The following CCDC178 variants were observed in gnomAD, a reference collection of about 807,000 sequenced individuals.
The protein encoded by CCDC178 is coiled-coil domain containing 178, also known as coiled-coil domain-containing protein 178.
In CCDC178, 126 loss-of-function variants were observed where a neutral mutation model predicts 117.4. The observed-to-expected ratio is 1.07, with a 90% CI of 0.93 to 1.24. The LOEUF (loss-of-function observed/expected upper bound fraction) is 1.24. CCDC178 is among the 50% of genes most tolerant of loss of function. The pLI is 0.00. For synonymous variants in CCDC178, 283 were observed against 313.4 expected (o/e 0.90, Z 1.02); for missense variants, 1,030 against 986.9 (o/e 1.04, Z -0.59).
chr18:33,083,950 TCAAG>T (rs999097879), intron 21 of CCDC178, among the ~76,000 whole-genome samples: 1 of 152,256 alleles, frequency 6.6e-6, no homozygotes, highest in African/African-American at 2.4e-5. Flanking sequence ...TTGGCATGGT[TCAAG>T]GTAGGATTTA....
At chr18:33,171,109 A>G (rs2058594082) in intron 20 of CCDC178, among the ~76,000 whole-genome samples, 1 of 152,162 alleles carries the variant, frequency 6.6e-6, no homozygotes, top group Non-Finnish European at 1.5e-5. Context: ...GTGAACAAAC[A>G]CAACTGAAAA....
chr18:33,369,485 T>G (rs2063267034), intron 6 of CCDC178, among the ~76,000 whole-genome samples: 1 of 151,988 alleles, frequency 6.6e-6, no homozygotes, highest in Non-Finnish European at 1.5e-5. Context: ...AGAAATATAA[T>G]CTTAATAAAA....
At chr18:33,215,903 C>A (rs113631095) in intron 18 of CCDC178, among the ~76,000 whole-genome samples, 1 of 151,948 alleles carries the variant, frequency 6.6e-6, no homozygotes, top group Admixed American at 6.6e-5. Context: ...CAAGACCAAC[C>A]TGGACAACAA....
chr18:33,326,671 G>T (rs1482874518), intron 10 of CCDC178, among the ~76,000 whole-genome samples: 3 of 151,074 alleles, frequency 2.0e-5, no homozygotes, highest in South Asian at 2.1e-4. Flanking sequence ...TTGTTTTTGG[G>T]TTTTTTTTCT....
intron 5 of CCDC178, among the ~76,000 whole-genome samples, chr18:33,387,732 A>C (rs1055272641): frequency 1.3e-5 from 2 of 152,226 alleles, no homozygotes; most frequent in South Asian, 4.1e-4. Flanking sequence ...AAAGACTTAA[A>C]TGTAAAACCC....
intron 12 of CCDC178, 81 bp downstream of exon 12, chr18:33,293,078 T>C (rs2062056440): frequency 3.0e-6 from 3 of 987,180 alleles, no homozygotes; most frequent in South Asian, 4.0e-5. Context: ...CCAATTGCTA[T>C]TTAATTATTG....
intron 20 of CCDC178, among the ~76,000 whole-genome samples, chr18:33,197,932 T>C (rs968393134): frequency 2.0e-5 from 3 of 152,252 alleles, no homozygotes; most frequent in African/African-American, 7.2e-5. Flanking sequence ...TACAATAGTT[T>C]ATATATTCCA....
chr18:32,983,433 A>G, intron 21 of CCDC178: 1 of 783,042 alleles, frequency 1.3e-6, no homozygotes, highest in Non-Finnish European at 2.1e-6. Flanking sequence ...ACAGTCAAAC[A>G]AATAGTACAA....
intron 21 of CCDC178, among the ~76,000 whole-genome samples, chr18:33,038,334 AGATAT>A (rs1177453387): frequency 6.6e-6 from 1 of 152,006 alleles, no homozygotes; most frequent in East Asian, 1.9e-4. Flanking sequence ...ACTACAAAGC[AGATAT>A]TATGTCATAA....
At chr18:33,423,398 G>A (rs932259964) in intron 2 of CCDC178, among the ~76,000 whole-genome samples, 10 of 151,936 alleles carry the variant, frequency 6.6e-5, no homozygotes, top group African/African-American at 2.4e-4. Context: ...TTCCTATTTA[G>A]GGCACGTTTT....
chr18:33,184,426 G>A (rs2058766330), intron 20 of CCDC178, among the ~76,000 whole-genome samples: 1 of 151,902 alleles, frequency 6.6e-6, no homozygotes, highest in South Asian at 2.1e-4. Context: ...TGAGGAATAA[G>A]CAATGCAATC....
chr18:33,254,999 T>C (rs1426156056), intron 14 of CCDC178, among the ~76,000 whole-genome samples: 1 of 152,052 alleles, frequency 6.6e-6, no homozygotes, highest in Non-Finnish European at 1.5e-5. Context: ...GGCTTTGTGC[T>C]GTTCTCGCTA....
intron 12 of CCDC178, among the ~76,000 whole-genome samples, chr18:33,269,409 T>C (rs1197120630): frequency 6.6e-6 from 1 of 151,784 alleles, no homozygotes; most frequent in Non-Finnish European, 1.5e-5. Flanking sequence ...TATTCACATG[T>C]TCTGGAAATA....
intron 9 of CCDC178, among the ~76,000 whole-genome samples, chr18:33,345,801 T>C (rs1331818889): frequency 2.6e-5 from 4 of 152,152 alleles, no homozygotes; most frequent in Non-Finnish European, 4.4e-5. Flanking sequence ...CAATAACATC[T>C]TTCAAAAGTG....
chr18:33,228,065 A>G (rs960725673), intron 15 of CCDC178, among the ~76,000 whole-genome samples: 2 of 152,206 alleles, frequency 1.3e-5, no homozygotes, highest in Non-Finnish European at 2.9e-5. Flanking sequence ...CCTTTGTCTG[A>G]AACTAATTGA....
chr18:33,009,110 T>C (rs2055810033), intron 21 of CCDC178, among the ~76,000 whole-genome samples: 1 of 152,116 alleles, frequency 6.6e-6, no homozygotes, highest in Non-Finnish European at 1.5e-5. Flanking sequence ...CTATTGGTGC[T>C]ATCTTTAAAA....
chr18:33,299,502 AACACACACAC>A (rs71159812), intron 11 of CCDC178, among the ~76,000 whole-genome samples: 21 of 146,178 alleles, frequency 1.4e-4, no homozygotes, highest in African/African-American at 4.5e-4. Context: ...AACTAGTATA[AACACACACAC>A]ACACACACAC....
intron 20 of CCDC178, among the ~76,000 whole-genome samples, chr18:33,167,087 T>C (rs897108658): frequency 6.6e-6 from 1 of 152,224 alleles, no homozygotes; most frequent in African/African-American, 2.4e-5. Context: ...GCTCCATTCA[T>C]GTTGCTGCAA....
chr18:33,080,398 G>T (rs1174222924), intron 21 of CCDC178, among the ~76,000 whole-genome samples: 2 of 152,088 alleles, frequency 1.3e-5, no homozygotes, highest in African/African-American at 4.8e-5. Context: ...ACCTGCACAT[G>T]TAACCCTGAA....
Sources: allele counts gnomAD v4.1 joint callset (sites outside exome capture counted in the v4.1 genomes callset), GRCh38; gene constraint gnomAD v4.1.1; transcripts MANE v1.5; gene names NCBI Gene and HGNC (gene_info 2026-07-23, HGNC 2026-07-21).